RNF222: variants seen among roughly 807,000 people sequenced by gnomAD.
RNF222 encodes RING finger protein LOC643904.
In RNF222, 14 loss-of-function variants were observed where a neutral mutation model predicts 10.8. The observed-to-expected ratio is 1.30, with a 90% CI of 0.86 to 2.03. The LOEUF is 2.03. Among genes scored for constraint, RNF222 ranks in the 30% most tolerant of loss-of-function variants. RNF222 has a pLI of 0.00. For missense variants in RNF222, 298 were observed against 295.8 expected (o/e 1.01, Z -0.06); for synonymous variants, 141 against 142.5 (o/e 0.99, Z 0.07).
Position 8,393,570 on chromosome 17 carries a change from C to T in RNF222, c.-25-84G>A, listed in dbSNP as rs1907943060. On this transcript the variant is annotated intron_variant, in intron 2 of 2. Coordinates refer to ENST00000399398, the MANE Select transcript of RNF222 (RefSeq NM_001146684.3). Reference sequence around the variant, plus strand: ...ACTCCCACCTACACCTCTGCCTCCACTGCCCCTTATCCCCTCTCCCTGTCT... The same window carrying T: ...ACTCCCACCTACACCTCTGCCTCCATTGCCCCTTATCCCCTCTCCCTGTCT... 4 of 1,449,530 alleles carry T rather than the reference C, an allele frequency of 2.8e-6. No homozygotes were observed. In the South Asian group the frequency reaches 5.7e-5, roughly 21 times the overall value. The allele number at this position is 1,449,530 out of a possible 1,614,324, so 89.8% of individuals were successfully genotyped here.
In RNF222 at chr17:8,393,403, T is replaced by G; in HGVS notation, c.59A>C (p.Lys20Thr). 2 of 1,551,650 alleles carry G rather than the reference T, an allele frequency of 1.3e-6. No homozygotes were observed. Among genetic ancestry groups the G allele is most frequent in the South Asian group, 1.2e-5 (1 of 84,062 alleles). Reference sequence around the variant, plus strand: ...GCTGGCGCCCTCCAGGTCCCGGAACTTCTCATAGCACACGGGGCACTCACT... The same window carrying G: ...GCTGGCGCCCTCCAGGTCCCGGAACGTCTCATAGCACACGGGGCACTCACT... The part of the protein sequence containing the change: ...SGSECPVCYE[K>T]FRDLEGASRT... The change falls in exon 3 of 3, where the codon AAG (lysine) becomes ACG (threonine). Residue 20 changes from lysine to threonine, a missense_variant. By Grantham distance (78) the Lys-to-Thr change is moderately conservative. Transcript: ENST00000399398.
rs1042866607 is a variant in RNF222 at position 8,390,934 on chromosome 17, G to A, written c.*1865C>T. 2.0e-5 allele frequency: 3 copies of A among 152,174 alleles called. No homozygotes were observed. The highest frequency in any genetic ancestry group is 7.2e-5 in the African/African-American group (3 of 41,516). The allele number at this position is 152,174 out of a possible 1,614,324, so 9.4% of individuals were successfully genotyped here. A position where few individuals can be genotyped will look rare whatever the true frequency, so the allele number is the denominator to read the frequency against. ...TTAAAAGAGACTCATTGGAGTCTTT[G>A]CAAATTTAACATTATTTTTATTCCT... On this transcript the variant is annotated 3_prime_UTR_variant, in exon 3 of 3. Transcript: ENST00000399398.
At chr17:8,395,914 A>G (rs935266741) in intron 1 of RNF222, among the ~76,000 whole-genome samples, 4 of 152,164 alleles carry the variant, frequency 2.6e-5, no homozygotes, top group African/African-American at 9.7e-5. Context: ...CCTTCTATCC[A>G]TCCATCCATC....
intron 1 of RNF222, among the ~76,000 whole-genome samples, chr17:8,395,621 T>A (rs369784469): frequency 2.6e-4 from 40 of 152,192 alleles, no homozygotes; most frequent in African/African-American, 9.4e-4. Flanking sequence ...TTCCTTAGTA[T>A]GTGGATGATT....
chr17:8,395,675 A>G (rs6503113), intron 1 of RNF222, among the ~76,000 whole-genome samples: 40,039 of 152,134 alleles, frequency 0.26, 5,423 homozygotes, highest in South Asian at 0.33. Flanking sequence ...ACCTCAAATT[A>G]GAATAACGGA....
Position 8,392,767 on chromosome 17 carries a change from C to T in RNF222, c.*32G>A, listed in dbSNP as rs978510059. On this transcript the variant is annotated 3_prime_UTR_variant, in exon 3 of 3. Transcript: ENST00000399398. The surrounding 1 kb of genome is among the most constrained non-coding windows in gnomAD (Gnocchi z 4.3). The stretch of plus-strand genomic sequence containing the variant: ...GGGCCTCCTGTCCCACCCCAGGCCA[C>T]GGCTAGCCCGGCGGCCTCCCTGAGG... 13 of 1,526,348 alleles carry T rather than the reference C, an allele frequency of 8.5e-6. No homozygotes were observed. The East Asian group carries it at 2.5e-4, about 29-fold the overall frequency. The allele number at this position is 1,526,348 out of a possible 1,614,324, so 94.6% of individuals were successfully genotyped here.
rs1907800467 is a variant in RNF222 at position 8,390,903 on chromosome 17, C to T, written c.*1896G>A. ...CATGACACTGTTTAAAACAGCCTGG[C>T]TGAGGTTAAAAGAGACTCATTGGAG... On this transcript the variant is annotated 3_prime_UTR_variant, in exon 3 of 3. Coordinates refer to ENST00000399398, the MANE Select transcript of RNF222 (RefSeq NM_001146684.3). The T allele has an allele frequency of 6.6e-6, 1 of 152,142 alleles. No homozygotes were observed. The highest frequency in any genetic ancestry group is 1.5e-5 in the Non-Finnish European group (1 of 68,032). The allele number at this position is 152,142 out of a possible 1,614,324, so 9.4% of individuals were successfully genotyped here. A position where few individuals can be genotyped will look rare whatever the true frequency, so the allele number is the denominator to read the frequency against.
Position 8,393,360 on chromosome 17 carries a change from G to A in RNF222, c.102C>T (p.Gly34=). The A allele has an allele frequency of 1.0e-5, 16 of 1,551,690 alleles. No individual in the cohort carries two copies. The highest frequency in any genetic ancestry group is 1.4e-5 in the Non-Finnish European group (16 of 1,146,988). ...CCAGGCAGTCATGGCAGAACACATG[G>A]CCACAGCTCAGCGTCCGGCTGGCGC... ...LEGASRTLSC[G]HVFCHDCLVK... is the part of the protein sequence containing the mutation. The change falls in exon 3 of 3, where the codon GGC becomes GGT. Residue 34 remains glycine, a synonymous_variant. Coordinates refer to ENST00000399398, the MANE Select transcript of RNF222 (RefSeq NM_001146684.3).
rs992801725 is a variant in RNF222, at chr17:8,391,972, T to C, written c.*827A>G. The C allele has an allele frequency of 6.6e-6, 1 of 152,304 alleles. No homozygotes were observed. The highest frequency in any genetic ancestry group is 2.4e-5 in the African/African-American group (1 of 41,424). 9.4% of individuals were successfully genotyped at this position (152,304 alleles called of 1,614,324 possible). ...CCCAGGGGTTCGTTTGCCCACATAG[T>C]TCTCAGCTGACTCAAGGCTCGCCTG... is the stretch of plus-strand genomic sequence containing the variant. On this transcript the variant is annotated 3_prime_UTR_variant, in exon 3 of 3. Transcript: ENST00000399398.
At position 8,393,451 on chromosome 17, in the gene RNF222, C is replaced by A; in HGVS notation, c.11G>T (p.Gly4Val). 6.5e-7 allele frequency: 1 copy of A among 1,548,954 alleles called. No individual in the cohort carries two copies. Among genetic ancestry groups the A allele is most frequent in the Non-Finnish European group, 8.7e-7 (1 of 1,145,578 alleles). Residue 4 changes from glycine (G) to valine (V), a missense_variant, in exon 3 of 3, where the codon GGG becomes GTG. Transcript: ENST00000399398. MSE[G>V]ESKDSSGSEC... ...ACTGCCCGAGCTGTCCTTGCTCTCC[C>A]CTTCTGACATGGCCACTGGGAGATG... is the stretch of plus-strand genomic sequence containing the variant.
rs1376496343 is a variant in RNF222, at chr17:8,393,115, C to T, written c.347G>A (p.Trp116Ter). ...CCTGGCCTGGCCTGGAGGTGGCCTC[C>T]AGGCAGGGGAGGAGGCGGCCAGGGG... ...TNPLAASSPA[W>*]RPPPGQARPP... The change falls in exon 3 of 3, where the codon TGG (tryptophan) becomes TAG (stop). Residue 116 changes from tryptophan to a stop codon, truncating the protein, a stop_gained. Transcript: ENST00000399398. LOFTEE classifies it high-confidence loss of function. The T allele has an allele frequency of 2.0e-6, 3 of 1,524,558 alleles. No individual in the cohort carries two copies. The highest frequency in any genetic ancestry group is 2.6e-6 in the Non-Finnish European group (3 of 1,134,682). The allele number at this position is 1,524,558 out of a possible 1,614,324, so 94.4% of individuals were successfully genotyped here.
intron 1 of RNF222, among the ~76,000 whole-genome samples, chr17:8,397,438 C>G (rs1022030346): frequency 1.3e-5 from 2 of 152,140 alleles, no homozygotes; most frequent in Non-Finnish European, 2.9e-5. Context: ...AAAACACCCC[C>G]CATCCCCACC....
Position 8,393,276 on chromosome 17 carries a change from G to A in RNF222, c.186C>T (p.Pro62=). ...DGQVQRTLVC[P]ICRYVTFLSK... is the part of the protein sequence containing the mutation. ...TGAGGAATGTGACGTAGCGGCAGAT[G>A]GGGCAGACCAGGGTCCTCTGGACCT... Residue 62 remains proline, a synonymous_variant, in exon 3 of 3, where the codon CCC becomes CCT. Transcript: ENST00000399398. 2 of 1,551,420 alleles carry A rather than the reference G, an allele frequency of 1.3e-6. No individual in the cohort carries two copies. The highest frequency in any genetic ancestry group is 1.7e-6 in the Non-Finnish European group (2 of 1,146,982).
At chr17:8,396,796 C>A (rs1352737621) in intron 1 of RNF222, among the ~76,000 whole-genome samples, 1 of 152,172 alleles carries the variant, frequency 6.6e-6, no homozygotes, top group Non-Finnish European at 1.5e-5. Context: ...CCATTCCATT[C>A]CCCATCCTTG....
chr17:8,393,992 C>T lies in RNF222; in HGVS notation c.-26+186G>A, dbSNP rs576333489. Among the ~76,000 whole-genome samples, 119 of 152,394 alleles carry T rather than the reference C, an allele frequency of 7.8e-4. 1 individual carries two copies. Among genetic ancestry groups the T allele is most frequent in the African/African-American group, 2.7e-3 (113 of 41,598 alleles). ...CAGAAAAGCCCGTGCTAGTCTCAAC[C>T]TCTGCCCTCACCTGGGGTTGGCGGG... On this transcript the variant is annotated intron_variant, in intron 2 of 2. Coordinates refer to ENST00000399398, the MANE Select transcript of RNF222 (RefSeq NM_001146684.3).
rs1907906949 is a variant in RNF222 at position 8,393,087 on chromosome 17, C to CGGCCT, written c.370_374dup (p.Pro126GlyfsTer93). 13 of 1,494,306 alleles carry CGGCCT rather than the reference C, an allele frequency of 8.7e-6. No individual in the cohort carries two copies. The highest frequency in any genetic ancestry group is 2.5e-5 in the East Asian group (1 of 40,568). 92.6% of individuals were successfully genotyped at this position (1,494,306 alleles called of 1,614,324 possible). A position where few individuals can be genotyped will look rare whatever the true frequency, so the allele number is the denominator to read the frequency against. On this transcript the variant is annotated frameshift_variant, in exon 3 of 3. Transcript: ENST00000399398. LOFTEE classifies it high-confidence loss of function. ...GGGCGCTCTGGCCCGGGCTGCCTGGCGGCCTGGCCTGGCCTGGAGGTGGCC... is the reference window on the plus strand; with the variant it reads ...GGGCGCTCTGGCCCGGGCTGCCTGGCGGCCTGGCCTGGCCTGGCCTGGAGGTGGCC...
intron 1 of RNF222, among the ~76,000 whole-genome samples, chr17:8,395,447 A>G (rs1232370779): frequency 6.6e-6 from 1 of 152,212 alleles, no homozygotes; most frequent in Non-Finnish European, 1.5e-5. Context: ...AATGTGAGTG[A>G]AGAGTCTGGC....
rs3930740 is a variant in RNF222, at chr17:8,391,641, C to T, written c.*1158G>A. Reference sequence around the variant, plus strand: ...CCATTGAAAGGTGTTGGTTGACTTACGGACCTCAATAAACAGCCAATAGCT... The same window carrying T: ...CCATTGAAAGGTGTTGGTTGACTTATGGACCTCAATAAACAGCCAATAGCT... On this transcript the variant is annotated 3_prime_UTR_variant, in exon 3 of 3. Coordinates refer to ENST00000399398, the MANE Select transcript of RNF222 (RefSeq NM_001146684.3). 27,685 of 152,176 alleles carry T rather than the reference C, an allele frequency of 0.18. 3,114 individuals carry two copies. The highest frequency in any genetic ancestry group is 0.26 in the Non-Finnish European group (17,471 of 68,032). 9.4% of individuals were successfully genotyped at this position (152,176 alleles called of 1,614,324 possible). A position where few individuals can be genotyped will look rare whatever the true frequency, so the allele number is the denominator to read the frequency against.
At chr17:8,397,411 G>T (rs1453236570) in intron 1 of RNF222, among the ~76,000 whole-genome samples, 1 of 152,052 alleles carries the variant, frequency 6.6e-6, no homozygotes, top group Admixed American at 6.6e-5. Context: ...GTGGGGGCAG[G>T]TGTCCCCACC....
Sources: gnomAD v4.1 joint callset for allele counts (sites outside exome capture counted in the v4.1 genomes callset) on GRCh38, gnomAD v4.1.1 for gene constraint, Gnocchi (gnomAD v3.1) non-coding constraint, MANE v1.5 for transcripts, NCBI Gene and HGNC (gene_info 2026-07-23, HGNC 2026-07-21) for gene names.